OPCML: variants seen among roughly 807,000 people sequenced by gnomAD.
OPCML encodes opioid-binding protein/cell adhesion molecule.
In OPCML, 13 loss-of-function variants were observed where a neutral mutation model predicts 37.8. The ratio of observed to expected loss-of-function variants is 0.34; its 90% CI spans 0.22 to 0.55. The LOEUF (loss-of-function observed/expected upper bound fraction) is 0.55, where lower values mean the gene tolerates loss of function less well. Among genes scored for constraint, OPCML ranks in the 20% least tolerant of loss-of-function variants. The pLI is 0.91. For missense variants in OPCML, 341 were observed against 435.6 expected (o/e 0.78, Z 1.93); for synonymous variants, 176 against 168.8 (o/e 1.04, Z -0.33).
intron 1 of OPCML, among the ~76,000 whole-genome samples, chr11:133,341,890 C>A (rs917448837): frequency 2.6e-5 from 4 of 151,930 alleles, no homozygotes; most frequent in African/African-American, 9.7e-5. Flanking sequence ...TGCACTCCAG[C>A]CTGGGCGAAA....
chr11:133,451,354 A>G (rs1184967758), intron 1 of OPCML, among the ~76,000 whole-genome samples: 3 of 151,810 alleles, frequency 2.0e-5, no homozygotes, highest in Non-Finnish European at 4.4e-5. Flanking sequence ...AGTTTTCAAT[A>G]TTTCATGGAC....
intron 2 of OPCML, among the ~76,000 whole-genome samples, chr11:132,697,288 G>A (rs1171822278): frequency 1.3e-5 from 2 of 152,078 alleles, no homozygotes; most frequent in Admixed American, 6.5e-5. Context: ...CTGGATATGG[G>A]AAGAGCATTT....
chr11:132,924,183 A>T (rs1379194915), intron 2 of OPCML, among the ~76,000 whole-genome samples: 2 of 152,008 alleles, frequency 1.3e-5, no homozygotes, highest in African/African-American at 4.8e-5. Context: ...AAGAGGAAGT[A>T]AAAATAAATA....
intron 1 of OPCML, among the ~76,000 whole-genome samples, chr11:133,331,039 C>T (rs1393789969): frequency 6.6e-6 from 1 of 152,136 alleles, no homozygotes; most frequent in Non-Finnish European, 1.5e-5. Context: ...ATCTGCTTTC[C>T]AATACAATTG....
At chr11:132,898,096 T>C (rs1943916188) in intron 2 of OPCML, among the ~76,000 whole-genome samples, 1 of 152,144 alleles carries the variant, frequency 6.6e-6, no homozygotes, top group Admixed American at 6.5e-5. Context: ...TTCAGCAGCA[T>C]GGCTTCTACT....
intron 1 of OPCML, among the ~76,000 whole-genome samples, chr11:132,944,184 G>T (rs1028988545): frequency 4.6e-5 from 7 of 152,194 alleles, no homozygotes; most frequent in African/African-American, 1.7e-4. Context: ...CCCCTACAGA[G>T]GGGCGGGGTG....
At chr11:132,858,006 T>C (rs1297678258) in intron 2 of OPCML, among the ~76,000 whole-genome samples, 4 of 152,082 alleles carry the variant, frequency 2.6e-5, no homozygotes, top group Middle Eastern at 3.4e-3. Flanking sequence ...AGGAAGCCGG[T>C]GGGTTATGTG....
intron 2 of OPCML, among the ~76,000 whole-genome samples, chr11:132,867,977 G>C (rs1484443670): frequency 6.6e-6 from 1 of 152,100 alleles, no homozygotes; most frequent in Non-Finnish European, 1.5e-5. Context: ...AAGTTCTCTC[G>C]GGGCTCCGTG....
chr11:133,306,394 G>C (rs1318810616), intron 1 of OPCML, among the ~76,000 whole-genome samples: 1 of 152,166 alleles, frequency 6.6e-6, no homozygotes, highest in African/African-American at 2.4e-5. Context: ...ACTATTTTAA[G>C]AATACTATGG....
chr11:133,082,668 C>G (rs552195986), intron 1 of OPCML, among the ~76,000 whole-genome samples: 1 of 117,952 alleles, frequency 8.5e-6, no homozygotes, highest in Non-Finnish European at 1.8e-5. Context: ...GCCCTCGGCA[C>G]GGCACGGCCC....
chr11:132,498,058 A>G lies in OPCML; in HGVS notation c.505+31003T>C, dbSNP rs115132227. 7.9e-3 allele frequency among the ~76,000 whole-genome samples: 1,198 copies of G among 152,314 alleles called. 12 individuals are homozygous for G. The highest frequency in any genetic ancestry group is 0.027 in the African/African-American group (1,129 of 41,562). On this transcript the variant is annotated intron_variant, in intron 4 of 7. Transcript: ENST00000524381. ...ATAAATTATTTAGAAAACATGATGAATTATTTGTCTAAACATATTCTATAT... is the reference window on the plus strand; with the variant it reads ...ATAAATTATTTAGAAAACATGATGAGTTATTTGTCTAAACATATTCTATAT...
intron 1 of OPCML, among the ~76,000 whole-genome samples, chr11:133,412,979 T>C (rs1023929383): frequency 6.6e-6 from 1 of 152,152 alleles, no homozygotes; most frequent in Admixed American, 6.5e-5. Context: ...AGGACTTACA[T>C]TTCTGTGAAA....
chr11:133,195,027 T>C (rs1200522554), intron 1 of OPCML, among the ~76,000 whole-genome samples: 1 of 152,246 alleles, frequency 6.6e-6, no homozygotes, highest in Non-Finnish European at 1.5e-5. Flanking sequence ...TTTTATAACA[T>C]TGATTTACTT....
At chr11:132,969,079 T>C (rs146260898) in intron 1 of OPCML, among the ~76,000 whole-genome samples, 1,658 of 152,240 alleles carry the variant, frequency 0.011, 35 homozygotes, top group Non-Finnish European at 0.014. Context: ...CTCAACCAAA[T>C]TGGTAGTCTT....
intron 1 of OPCML, among the ~76,000 whole-genome samples, chr11:132,955,221 A>G (rs1439347432): frequency 1.3e-5 from 2 of 151,992 alleles, no homozygotes; most frequent in Non-Finnish European, 2.9e-5. Context: ...AGTCCTGAAT[A>G]TTTTTTTAAT....
intron 1 of OPCML, among the ~76,000 whole-genome samples, chr11:133,054,907 G>C: frequency 6.6e-6 from 1 of 151,480 alleles, no homozygotes; most frequent in Non-Finnish European, 1.5e-5. Flanking sequence ...CTCCATGAGG[G>C]AGCCGCCTCT....
intron 2 of OPCML, among the ~76,000 whole-genome samples, chr11:132,884,299 C>T (rs1470105082): frequency 2.0e-5 from 3 of 152,160 alleles, no homozygotes; most frequent in Non-Finnish European, 2.9e-5. Flanking sequence ...AGGTGCCTCC[C>T]ACATCCAGAA....
chr11:132,917,586 G>C (rs895882666), intron 2 of OPCML, among the ~76,000 whole-genome samples: 4 of 152,156 alleles, frequency 2.6e-5, no homozygotes, highest in Non-Finnish European at 4.4e-5. Flanking sequence ...AATTAACAGT[G>C]TTCTGAGGTA....
At chr11:133,169,078 G>A (rs1007536738) in intron 1 of OPCML, among the ~76,000 whole-genome samples, 12 of 152,116 alleles carry the variant, frequency 7.9e-5, no homozygotes, top group African/African-American at 1.7e-4. Context: ...TGCATGAGCC[G>A]AGATCGCGCC....
Sources: gnomAD v4.1 joint callset for allele counts (sites outside exome capture counted in the v4.1 genomes callset) on GRCh38, gnomAD v4.1.1 for gene constraint, MANE v1.5 for transcripts, NCBI Gene and HGNC (gene_info 2026-07-23, HGNC 2026-07-21) for gene names.